Variants in ZNF638 observed in about 807,000 individuals in gnomAD.
ZNF638 encodes the protein zinc finger protein 638.
In ZNF638, 46 loss-of-function variants were observed where a neutral mutation model predicts 195.6. The observed-to-expected ratio is 0.24, with a 90% CI of 0.19 to 0.30. The LOEUF (loss-of-function observed/expected upper bound fraction) is 0.30. Ranked by LOEUF, ZNF638 falls within the 10% of genes least tolerant of loss-of-function variation. The pLI, the probability that ZNF638 is intolerant of heterozygous loss-of-function variation, is 1.00. For synonymous variants in ZNF638, 845 were observed against 772.0 expected (o/e 1.09, Z -1.57); for missense variants, 2,440 against 2,325.3 (o/e 1.05, Z -1.01).
chr2:71,356,272 C>T (rs1253378239), intron 3 of ZNF638, among the ~76,000 whole-genome samples: 4 of 152,182 alleles, frequency 2.6e-5, no homozygotes, highest in African/African-American at 4.8e-5. Flanking sequence ...AATTCTTCCC[C>T]CTTTTTCTTC....
At chr2:71,388,525 C>A in intron 10 of ZNF638, 1 of 713,194 alleles carries the variant, frequency 1.4e-6, no homozygotes. Context: ...ATTGGGGCTG[C>A]GTTCTCTCTT....
chr2:71,370,063 G>A lies in ZNF638; in HGVS notation c.2265+58G>A, dbSNP rs2104300260. ...ACTGTTGTTTTAGTTTAACTTTTTT[G>A]TTTAAGTATGGCACACATATAGAAA... is the stretch of plus-strand genomic sequence containing the variant. On this transcript the variant is annotated intron_variant, in intron 8 of 27. Transcript: ENST00000264447. 5 of 1,554,156 alleles carry A rather than the reference G, an allele frequency of 3.2e-6. No individual in the cohort carries two copies. The South Asian group carries it at 3.6e-5, about 11-fold the overall frequency.
rs1253672533 is a variant in ZNF638 at position 71,423,066 on chromosome 2, T to C, written c.3552T>C (p.Ala1184=). 6.2e-7 allele frequency: 1 copy of C among 1,614,144 alleles called. No homozygotes were observed. Residue 1184 remains alanine, a synonymous_variant, in exon 22 of 28, where the codon GCT becomes GCC. Transcript: ENST00000264447. The part of the protein sequence containing the change: ...VKEEIPLVAS[A]SVSIEQFTEN... The stretch of plus-strand genomic sequence containing the variant: ...AAGAAATTCCTCTTGTAGCATCCGC[T>C]TCAGTCAGTATTGAACAATTCACTG...
At chr2:71,431,463 T>C (rs757773318) in intron 26 of ZNF638, 35 bp downstream of exon 26, 3 of 1,602,500 alleles carry the variant, frequency 1.9e-6, no homozygotes, top group Non-Finnish European at 2.6e-6. Context: ...CTTACCCATA[T>C]GAAATTTAAA....
chr2:71,418,184 A>G (rs1428675855), intron 20 of ZNF638: 1 of 153,136 alleles, frequency 6.5e-6, no homozygotes, highest in African/African-American at 2.4e-5. Flanking sequence ...ATTATTGTTC[A>G]ATTTTATTTA....
intron 12 of ZNF638, among the ~76,000 whole-genome samples, chr2:71,399,357 A>G (rs1373230047): frequency 6.6e-6 from 1 of 152,206 alleles, no homozygotes. Flanking sequence ...ATTTGACGGC[A>G]TCACCAAAAA....
At chr2:71,431,452 TCTTACC>T in intron 26 of ZNF638, 24 bp downstream of exon 26, 1 of 1,607,144 alleles carries the variant, frequency 6.2e-7, no homozygotes, top group South Asian at 1.1e-5. Context: ...GACATTTTTT[TCTTACC>T]CATATGAAAT....
intron 10 of ZNF638, among the ~76,000 whole-genome samples, chr2:71,390,397 G>A (rs933328324): frequency 6.6e-6 from 1 of 152,212 alleles, no homozygotes; most frequent in Admixed American, 6.5e-5. Context: ...GGGGCCCACT[G>A]CCTCCAGAAC....
chr2:71,428,019 C>G (rs1304501528), intron 24 of ZNF638, among the ~76,000 whole-genome samples: 1 of 152,034 alleles, frequency 6.6e-6, no homozygotes, highest in East Asian at 1.9e-4. Context: ...TAGCAAGACT[C>G]CGTCTCTACA....
intron 11 of ZNF638, 24 bp downstream of exon 11, chr2:71,396,215 T>C (rs1267659063): frequency 6.3e-7 from 1 of 1,592,506 alleles, no homozygotes; most frequent in Non-Finnish European, 8.6e-7. Context: ...ATTAGGATTC[T>C]AGACTATTAG....
intron 1 of ZNF638, among the ~76,000 whole-genome samples, chr2:71,347,754 G>C (rs1306289270): frequency 4.6e-5 from 7 of 152,180 alleles, no homozygotes; most frequent in Non-Finnish European, 1.5e-5. Flanking sequence ...AGTCTGATGG[G>C]CTGGTCAGCA....
chr2:71,428,567 G>C lies in ZNF638; in HGVS notation c.5566G>C (p.Val1856Leu). 1.9e-6 allele frequency: 3 copies of C among 1,613,924 alleles called. No homozygotes were observed. The highest frequency in any genetic ancestry group is 2.5e-6 in the Non-Finnish European group (3 of 1,179,944). ...TAAAGCTAAAACTCCAACCAAGAGAGTTAGAATTGGGAAAACTCTGCCATC... is the reference window on the plus strand; with the variant it reads ...TAAAGCTAAAACTCCAACCAAGAGACTTAGAATTGGGAAAACTCTGCCATC... The part of the protein sequence containing the change: ...HLTAKTPTKR[V>L]RIGKTLPSEK... The change falls in exon 25 of 28, where the codon GTT becomes CTT. Residue 1856 changes from valine (V) to leucine (L), a missense_variant. Physicochemically the swap from Val to Leu is conservative, Grantham distance 32. Around this residue, in one of 5 missense-constraint regions of ZNF638, gnomAD observed 1,883 missense variants for 1,739.1 expected, o/e 1.08. Transcript: ENST00000264447.
chr2:71,410,383 T>G lies in ZNF638; in HGVS notation c.3261+2136T>G, dbSNP rs982094834. Among the ~76,000 whole-genome samples, 5 of 151,784 alleles carry G rather than the reference T, an allele frequency of 3.3e-5. No homozygotes were observed. In the East Asian group the frequency reaches 7.8e-4, roughly 24 times the overall value. On this transcript the variant is annotated intron_variant, in intron 20 of 27. Transcript: ENST00000264447. ...TTTGATTTTTGATTTTTTTTTTGTG[T>G]GTGTGTGTGTGTAGATGGGGTCTCA... is the stretch of plus-strand genomic sequence containing the variant.
intron 1 of ZNF638, 66 bp downstream of exon 1, chr2:71,331,941 A>G: frequency 1.0e-6 from 1 of 984,702 alleles, no homozygotes; most frequent in Non-Finnish European, 1.2e-6. Context: ...GGGGGTCCTG[A>G]GCCCTTCCTG....
intron 5 of ZNF638, among the ~76,000 whole-genome samples, chr2:71,364,787 C>T (rs1187722405): frequency 1.3e-5 from 2 of 152,146 alleles, no homozygotes; most frequent in Non-Finnish European, 2.9e-5. Context: ...AATGGAGATA[C>T]CTTTAATTAT....
chr2:71,414,015 C>G (rs1344106175), intron 20 of ZNF638, among the ~76,000 whole-genome samples: 3 of 122,314 alleles, frequency 2.5e-5, no homozygotes, highest in African/African-American at 6.2e-5. Flanking sequence ...GGAGGATTCC[C>G]TCTTTTTCTG....
At chr2:71,366,819 G>C (rs1476790015) in intron 6 of ZNF638, among the ~76,000 whole-genome samples, 1 of 152,056 alleles carries the variant, frequency 6.6e-6, no homozygotes, top group Non-Finnish European at 1.5e-5. Flanking sequence ...GTGTTATTTT[G>C]ACTGTAACCT....
chr2:71,419,478 G>T (rs1356205975), intron 21 of ZNF638, among the ~76,000 whole-genome samples: 1 of 152,126 alleles, frequency 6.6e-6, no homozygotes, highest in East Asian at 1.9e-4. Flanking sequence ...ACGTCTTAGC[G>T]GATTTTTCTT....
chr2:71,349,108 C>A lies in ZNF638; in HGVS notation c.154C>A (p.Pro52Thr), dbSNP rs779079673. The stretch of plus-strand genomic sequence containing the variant: ...CCCAGCAGGGAGAGCACGTGGAATT[C>A]CACACAGATTTGCTGGCCATGAATC... ...FYPAGRARGI[P>T]HRFAGHESYQ... Residue 52 changes from proline (P) to threonine (T), a missense_variant, in exon 2 of 28, where the codon CCA becomes ACA. By Grantham distance (38) the Pro-to-Thr change is conservative. Coordinates refer to ENST00000264447, the MANE Select transcript of ZNF638 (RefSeq NM_014497.5). 6 of 1,614,050 alleles carry A rather than the reference C, an allele frequency of 3.7e-6. No homozygotes were observed. The African/African-American group carries it at 5.3e-5, about 14-fold the overall frequency.
Sources: allele counts gnomAD v4.1 joint callset (sites outside exome capture counted in the v4.1 genomes callset), GRCh38; gene constraint gnomAD v4.1.1; regional missense constraint gnomAD v4.1.1; transcripts MANE v1.5; gene names NCBI Gene and HGNC (gene_info 2026-07-23, HGNC 2026-07-21).